Variants in ZNF444 observed in about 807,000 individuals in gnomAD.
The protein encoded by ZNF444 is endothelial zinc finger protein 2.
In ZNF444, 8 loss-of-function variants were observed where a neutral mutation model predicts 14.4. That is an observed-to-expected ratio of 0.56 (90% CI 0.33 to 1.00). The LOEUF (loss-of-function observed/expected upper bound fraction) is 1.00, where lower values mean the gene tolerates loss of function less well. Ranked by LOEUF, ZNF444 falls within the 50% of genes least tolerant of loss-of-function variation. The pLI is 0.03. For synonymous variants in ZNF444, 258 were observed against 235.9 expected (o/e 1.09, Z -0.86); for missense variants, 510 against 504.8 (o/e 1.01, Z -0.10).
At chr19:56,134,079 G>T (rs1180311169) in intron 1 of ZNF444, among the ~76,000 whole-genome samples, 3 of 151,666 alleles carry the variant, frequency 2.0e-5, no homozygotes, top group Non-Finnish European at 4.4e-5. Flanking sequence ...CTTTCTGCTG[G>T]TTCTCCCCCT....
In ZNF444 at chr19:56,145,361, G is replaced by A. The variant is rs2031105413; in HGVS notation, c.-196-886G>A. Reference sequence around the variant, plus strand: ...AGCACTTTCGGAGGCCAAGGCAGGTGGATCACCTGAGGTCAGGAGTTTGAG... The same window carrying A: ...AGCACTTTCGGAGGCCAAGGCAGGTAGATCACCTGAGGTCAGGAGTTTGAG... On this transcript the variant is annotated intron_variant, in intron 1 of 4. Transcript: ENST00000337080. The surrounding 1 kb of genome is among the most constrained non-coding windows in gnomAD (Gnocchi z 4.3). Among the ~76,000 whole-genome samples the A allele has an allele frequency of 6.6e-6, 1 of 152,208 alleles. No homozygotes were observed. The highest frequency in any genetic ancestry group is 1.5e-5 in the Non-Finnish European group (1 of 68,036).
intron 1 of ZNF444, among the ~76,000 whole-genome samples, chr19:56,143,134 G>C (rs933763635): frequency 6.6e-6 from 1 of 152,172 alleles, no homozygotes; most frequent in African/African-American, 2.4e-5. Context: ...CATAGCACAG[G>C]GCGCTCATTG....
rs1171498614 is a variant in ZNF444 at position 56,144,570 on chromosome 19, C to T, written c.-196-1677C>T. Among the ~76,000 whole-genome samples the T allele has an allele frequency of 6.6e-6, 1 of 152,110 alleles. No individual in the cohort carries two copies. The highest frequency in any genetic ancestry group is 2.4e-5 in the African/African-American group (1 of 41,430). ...TAGGCATACACGGGTCTTGTGGCAG[C>T]CGTCCCAGCAATGAGATGACGTTTG... On this transcript the variant is annotated intron_variant, in intron 1 of 4. Coordinates refer to ENST00000337080, the MANE Select transcript of ZNF444 (RefSeq NM_018337.4). This position sits in a 1 kb window ranked among gnomAD's most constrained non-coding sequence, Gnocchi z 4.0.
chr19:56,137,259 T>G (rs1281608015), upstream of ZNF444, among the ~76,000 whole-genome samples: 1 of 150,300 alleles, frequency 6.7e-6, no homozygotes, highest in East Asian at 2.0e-4. Context: ...TTACCTGAGG[T>G]CAGGAGTTTG....
At chr19:56,138,792 C>CT (rs59273024), upstream of ZNF444, among the ~76,000 whole-genome samples, 1,406 of 92,796 alleles carry the variant, frequency 0.015, 145 homozygotes, top group African/African-American at 0.058. Context: ...CTTGAATGTA[C>CT]TTTTTTTTTT....
At chr19:56,158,317 AG>A (rs1399833319) in intron 3 of ZNF444, 176 bp from the exon 4 acceptor site, 1 of 541,650 alleles carries the variant, frequency 1.8e-6, no homozygotes, top group Non-Finnish European at 3.1e-6. Flanking sequence ...GGTTGGCAGG[AG>A]GCCTTGGTTC....
chr19:56,156,527 G>C (rs140139023), intron 3 of ZNF444: 7 of 152,288 alleles, frequency 4.6e-5, no homozygotes, highest in Middle Eastern at 3.4e-3. Flanking sequence ...GACAAATTAG[G>C]TCAGAAAAAT....
upstream of ZNF444, among the ~76,000 whole-genome samples, chr19:56,137,641 G>C (rs2030642379): frequency 6.6e-6 from 1 of 152,160 alleles, no homozygotes; most frequent in Non-Finnish European, 1.5e-5. Context: ...CTGCCAAGCT[G>C]TGTGCCCCGG....
intron 3 of ZNF444, among the ~76,000 whole-genome samples, chr19:56,148,626 C>T (rs2031363618): frequency 6.6e-6 from 1 of 152,204 alleles, no homozygotes; most frequent in Non-Finnish European, 1.5e-5. Context: ...CGCCCCTCCT[C>T]TGCTCCTGCC....
At chr19:56,134,050 C>G (rs561270373) in intron 1 of ZNF444, among the ~76,000 whole-genome samples, 8 of 152,118 alleles carry the variant, frequency 5.3e-5, no homozygotes, top group African/African-American at 1.7e-4. Flanking sequence ...CGCCATCCCC[C>G]CTTCTGCTGG....
intron 3 of ZNF444, chr19:56,150,377 C>T (rs1027099456): frequency 1.1e-5 from 3 of 280,536 alleles, no homozygotes; most frequent in East Asian, 9.1e-5. Context: ...TCACCAGGCT[C>T]CAGGCCGTCG....
At chr19:56,133,765 A>T (rs2030546939) in intron 1 of ZNF444, among the ~76,000 whole-genome samples, 1 of 148,228 alleles carries the variant, frequency 6.7e-6, no homozygotes, top group East Asian at 2.0e-4. Flanking sequence ...GTGAGCCAAG[A>T]TCGCGCCACT....
At chr19:56,159,443 T>C (rs77360266) in intron 4 of ZNF444, among the ~76,000 whole-genome samples, 181 bp from the exon 5 acceptor site, 9,351 of 152,192 alleles carry the variant, frequency 0.061, 949 homozygotes, top group African/African-American at 0.21. Flanking sequence ...GGGCATTGAC[T>C]GTATGCCAGG....
rs2031149595 is a variant in ZNF444 at position 56,145,879 on chromosome 19, C to A, written c.-196-368C>A. Among the ~76,000 whole-genome samples the A allele has an allele frequency of 6.6e-6, 1 of 152,242 alleles. No individual in the cohort carries two copies. Among genetic ancestry groups the A allele is most frequent in the Non-Finnish European group, 1.5e-5 (1 of 68,042 alleles). On this transcript the variant is annotated intron_variant, in intron 1 of 4. Transcript: ENST00000337080. This position sits in a 1 kb window ranked among gnomAD's most constrained non-coding sequence, Gnocchi z 4.3. ...GTTCCTGGTGAGGGCCTCTGCCAGG[C>A]TGCAGGTGGCCTCCTTGCTGTGTGC...
In ZNF444 at chr19:56,145,473, C is replaced by T. The variant is rs2031114539; in HGVS notation, c.-196-774C>T. Among the ~76,000 whole-genome samples, 1 of 152,076 alleles carries T rather than the reference C, an allele frequency of 6.6e-6. No homozygotes were observed. Among genetic ancestry groups the T allele is most frequent in the Non-Finnish European group, 1.5e-5 (1 of 68,014 alleles). On this transcript the variant is annotated intron_variant, in intron 1 of 4. Transcript: ENST00000337080. This position sits in a 1 kb window ranked among gnomAD's most constrained non-coding sequence, Gnocchi z 4.3. ...TGGTAACGCACGTCTATAATCCCAG[C>T]TACTTGGGAGGATGAGGCAGGAGAA...
At chr19:56,157,478 A>G (rs1478330716) in intron 3 of ZNF444, 1 of 150,008 alleles carries the variant, frequency 6.7e-6, no homozygotes, top group Non-Finnish European at 1.5e-5. Flanking sequence ...ATCTCGGCTC[A>G]CTGCAACCTC....
At chr19:56,133,636 C>A (rs971011368) in intron 1 of ZNF444, among the ~76,000 whole-genome samples, 5 of 150,708 alleles carry the variant, frequency 3.3e-5, no homozygotes, top group Admixed American at 1.3e-4. Context: ...CATGGTGAAA[C>A]CCCGTCTCTA....
Position 56,143,863 on chromosome 19 carries a change from G to A in ZNF444, c.-196-2384G>A, listed in dbSNP as rs575512146. Among the ~76,000 whole-genome samples the A allele has an allele frequency of 7.2e-5, 11 of 152,252 alleles. No individual in the cohort carries two copies. The South Asian group carries it at 1.9e-3, about 26-fold the overall frequency. On this transcript the variant is annotated intron_variant, in intron 1 of 4. Coordinates refer to ENST00000337080, the MANE Select transcript of ZNF444 (RefSeq NM_018337.4). Reference sequence around the variant, plus strand: ...TGCAGCATCGGAGGGGGTGATCTGGGGAGGCTCTCCAAGGGGGTAATAATT... The same window carrying A: ...TGCAGCATCGGAGGGGGTGATCTGGAGAGGCTCTCCAAGGGGGTAATAATT...
At chr19:56,143,327 A>G (rs62120805) in intron 1 of ZNF444, 12,705 of 152,300 alleles carry the variant, frequency 0.083, 689 homozygotes, top group Middle Eastern at 0.13. Flanking sequence ...CTGAGATTGC[A>G]AACAGGGTCA....
Sources: allele counts gnomAD v4.1 joint callset (sites outside exome capture counted in the v4.1 genomes callset), GRCh38; gene constraint gnomAD v4.1.1; non-coding constraint Gnocchi (gnomAD v3.1); transcripts MANE v1.5; gene names NCBI Gene and HGNC (gene_info 2026-07-23, HGNC 2026-07-21).